The following SPAG1 variants were observed in gnomAD, a reference collection of about 807,000 sequenced individuals.
The protein encoded by SPAG1 is sperm associated antigen 1.
SPAG1 carries 69 observed loss-of-function variants against 100.5 expected under a neutral mutation model. The observed-to-expected ratio is 0.69, with a 90% CI of 0.57 to 0.84. The LOEUF (loss-of-function observed/expected upper bound fraction) is 0.84. SPAG1 is among the 40% of genes least tolerant of loss of function. SPAG1 has a pLI of 0.00. For synonymous variants in SPAG1, 336 were observed against 411.6 expected (o/e 0.82, Z 2.22); for missense variants, 955 against 1,133.1 (o/e 0.84, Z 2.26).
intron 4 of SPAG1, among the ~76,000 whole-genome samples, chr8:100,180,755 G>A (rs543827563): frequency 1.3e-5 from 2 of 152,316 alleles, no homozygotes; most frequent in South Asian, 2.1e-4. Flanking sequence ...TTGGTGATAT[G>A]GAACTTGAGC....
At chr8:100,181,597 G>A (rs557828379) in intron 4 of SPAG1, among the ~76,000 whole-genome samples, 153 of 152,328 alleles carry the variant, frequency 1.0e-3, no homozygotes, top group African/African-American at 3.5e-3. Flanking sequence ...TCCAAAACCT[G>A]TAAGGGAAGA....
intron 10 of SPAG1, among the ~76,000 whole-genome samples, chr8:100,204,425 A>G (rs904436441): frequency 6.6e-6 from 1 of 152,174 alleles, no homozygotes; most frequent in African/African-American, 2.4e-5. Flanking sequence ...ATAATGGTGG[A>G]AAGAACATAG....
At chr8:100,210,883 A>C (rs1205424192) in intron 10 of SPAG1, among the ~76,000 whole-genome samples, 2 of 150,488 alleles carry the variant, frequency 1.3e-5, no homozygotes, top group Admixed American at 1.3e-4. Context: ...GGTGGAGTGC[A>C]ATGGTGTGAT....
At chr8:100,202,695 G>T (rs1159661333) in intron 10 of SPAG1, among the ~76,000 whole-genome samples, 3 of 119,314 alleles carry the variant, frequency 2.5e-5, no homozygotes, top group Non-Finnish European at 4.8e-5. Flanking sequence ...GGGCGACAGA[G>T]CGAGACTCCG....
chr8:100,162,271 T>C lies in SPAG1; in HGVS notation c.-2-8T>C, dbSNP rs372410343. 3 of 1,583,366 alleles carry C rather than the reference T, an allele frequency of 1.9e-6. No individual in the cohort carries two copies. The highest frequency in any genetic ancestry group is 1.4e-5 in the African/African-American group (1 of 73,390). Reference sequence around the variant, plus strand: ...TTAGATTAATAACTTTTAAATATTGTATTTCAGCTATGACCACCAAAGATT... The same window carrying C: ...TTAGATTAATAACTTTTAAATATTGCATTTCAGCTATGACCACCAAAGATT... On this transcript the variant is annotated splice_polypyrimidine_tract_variant and splice_region_variant and intron_variant, in intron 1 of 18. Transcript: ENST00000388798.
At position 100,240,634 on chromosome 8, in the gene SPAG1, C is replaced by T. The variant is rs1563820253; in HGVS notation, c.2512C>T (p.Pro838Ser). The change falls in exon 18 of 19, where the codon CCG (proline) becomes TCG (serine). Residue 838 changes from proline to serine, a missense_variant. Coordinates refer to ENST00000388798, the MANE Select transcript of SPAG1 (RefSeq NM_003114.5). The stretch of plus-strand genomic sequence containing the variant: ...AGCCATCACTGCACCAAAAGATTTG[C>T]CGATGTTTTTAAGTAACAAACTTGA... ...LLAITAPKDL[P>S]MFLSNKLEGD... The T allele has an allele frequency of 6.2e-7, 1 of 1,614,110 alleles. No individual in the cohort carries two copies. Among genetic ancestry groups the T allele is most frequent in the Non-Finnish European group, 8.5e-7 (1 of 1,179,998 alleles).
At chr8:100,170,561 C>G (rs954626814) in intron 3 of SPAG1, among the ~76,000 whole-genome samples, 5 of 152,108 alleles carry the variant, frequency 3.3e-5, no homozygotes, top group African/African-American at 1.2e-4. Flanking sequence ...CCCCTAGCAA[C>G]CACCATTCTA....
Position 100,184,026 on chromosome 8 carries a change from C to T in SPAG1, c.559C>T (p.His187Tyr). 1 of 1,525,678 alleles carries T rather than the reference C, an allele frequency of 6.6e-7. No individual in the cohort carries two copies. Among genetic ancestry groups the T allele is most frequent in the Non-Finnish European group, 8.8e-7 (1 of 1,133,784 alleles). 94.5% of individuals were successfully genotyped at this position (1,525,678 alleles called of 1,614,324 possible). The change falls in exon 6 of 19, where the codon CAC becomes TAC. Residue 187 changes from histidine (H) to tyrosine (Y), a missense_variant. Physicochemically the swap from His to Tyr is moderately conservative, Grantham distance 83. Transcript: ENST00000388798. The part of the protein sequence containing the change: ...YKEKTVIDKS[H>Y]LSKIETRIDT... ...AGAAAAGACGGTAATAGACAAGTCA[C>T]ACTTGTCTAAAATTGAGACAAGAAT... is the stretch of plus-strand genomic sequence containing the variant.
At chr8:100,226,004 T>G (rs1297593082) in intron 14 of SPAG1, among the ~76,000 whole-genome samples, 2 of 151,230 alleles carry the variant, frequency 1.3e-5, no homozygotes, top group Admixed American at 6.6e-5. Flanking sequence ...GCTAGTTTTT[T>G]TTTTTTTTTT....
intron 12 of SPAG1, among the ~76,000 whole-genome samples, chr8:100,214,605 C>A (rs1184553893): frequency 6.6e-6 from 1 of 152,122 alleles, no homozygotes; most frequent in Non-Finnish European, 1.5e-5. Flanking sequence ...GGAACCATGT[C>A]TTTTCTTTTT....
At chr8:100,225,816 T>C (rs1471268262) in intron 14 of SPAG1, among the ~76,000 whole-genome samples, 2 of 151,956 alleles carry the variant, frequency 1.3e-5, no homozygotes, top group Admixed American at 6.6e-5. Flanking sequence ...CCTACTAGTA[T>C]ACATGTAAAA....
chr8:100,165,641 C>G lies in SPAG1; in HGVS notation c.141-173C>G, dbSNP rs545977255. On this transcript the variant is annotated intron_variant, in intron 2 of 18. Coordinates refer to ENST00000388798, the MANE Select transcript of SPAG1 (RefSeq NM_003114.5). The stretch of plus-strand genomic sequence containing the variant: ...TCCTTTTTTTCTTCTTTTAATCATT[C>G]CATAGATTAACGGGTAAAAATGGAG... 2.6e-5 allele frequency among the ~76,000 whole-genome samples: 4 copies of G among 151,972 alleles called. 1 individual carries two copies. The highest frequency in any genetic ancestry group is 5.9e-5 in the Non-Finnish European group (4 of 67,996).
At chr8:100,187,711 A>C (rs1816646282) in intron 8 of SPAG1, among the ~76,000 whole-genome samples, 2 of 152,228 alleles carry the variant, frequency 1.3e-5, no homozygotes, top group South Asian at 4.1e-4. Flanking sequence ...TTTTCTCCAA[A>C]AAAAATTAAG....
At position 100,177,931 on chromosome 8, in the gene SPAG1, A is replaced by G. The variant is rs1297315017; in HGVS notation, c.416A>G (p.His139Arg). The part of the protein sequence containing the change: ...PPVRGSNSCL[H>R]VGKEKYSKRP... ...GTTCGTGGTTCAAACAGCTGTCTTC[A>G]TGTAGGCAAGGTAGGCTTCTTTGAT... Residue 139 changes from histidine to arginine, a missense_variant, in exon 4 of 19, where the codon CAT becomes CGT. Coordinates refer to ENST00000388798, the MANE Select transcript of SPAG1 (RefSeq NM_003114.5). The G allele has an allele frequency of 6.2e-7, 1 of 1,612,284 alleles. No homozygotes were observed. The highest frequency in any genetic ancestry group is 1.3e-5 in the African/African-American group (1 of 74,864).
intron 4 of SPAG1, among the ~76,000 whole-genome samples, chr8:100,180,950 C>T (rs1816340391): frequency 6.6e-6 from 1 of 152,120 alleles, no homozygotes; most frequent in Non-Finnish European, 1.5e-5. Context: ...ATCTGTATAA[C>T]TCCAATGACC....
intron 10 of SPAG1, among the ~76,000 whole-genome samples, chr8:100,202,354 C>A (rs1457108797): frequency 1.4e-5 from 2 of 147,496 alleles, no homozygotes; most frequent in African/African-American, 2.5e-5. Flanking sequence ...AAAAAAAAAA[C>A]AAAAAACAAA....
intron 8 of SPAG1, among the ~76,000 whole-genome samples, chr8:100,187,962 C>T (rs964339882): frequency 6.6e-6 from 1 of 152,020 alleles, no homozygotes; most frequent in African/African-American, 2.4e-5. Context: ...AAGTGGTTCT[C>T]CTGCCTCAGC....
At chr8:100,221,329 G>C (rs995690845) in intron 13 of SPAG1, among the ~76,000 whole-genome samples, 2 of 152,102 alleles carry the variant, frequency 1.3e-5, no homozygotes, top group African/African-American at 4.8e-5. Flanking sequence ...ATTTATAATG[G>C]CGAAATAGCA....
intron 4 of SPAG1, among the ~76,000 whole-genome samples, chr8:100,178,265 G>A (rs1451684725): frequency 6.6e-6 from 1 of 151,272 alleles, no homozygotes; most frequent in Non-Finnish European, 1.5e-5. Flanking sequence ...GATTCAGTGT[G>A]TGAAAATTTC....
Sources: allele counts gnomAD v4.1 joint callset (sites outside exome capture counted in the v4.1 genomes callset), GRCh38; gene constraint gnomAD v4.1.1; transcripts MANE v1.5; gene names NCBI Gene and HGNC (gene_info 2026-07-23, HGNC 2026-07-21).